PRDM15: variants seen among roughly 807,000 people sequenced by gnomAD.
The protein encoded by PRDM15 is PR/SET domain 15.
A neutral mutation model predicts 128.6 loss-of-function variants in PRDM15; 64 were observed. That is an observed-to-expected ratio of 0.50 (90% CI 0.41 to 0.61). The LOEUF (loss-of-function observed/expected upper bound fraction) is 0.61. PRDM15 is among the 20% of genes least tolerant of loss of function. The pLI is 0.00. For synonymous variants in PRDM15, 615 were observed against 621.8 expected (o/e 0.99, Z 0.16); for missense variants, 1,242 against 1,569.1 (o/e 0.79, Z 3.52).
intron 1 of PRDM15, among the ~76,000 whole-genome samples, chr21:41,865,004 G>A (rs1253771719): frequency 3.4e-5 from 5 of 148,754 alleles, no homozygotes; most frequent in African/African-American, 1.2e-4. Flanking sequence ...TGCAATGCCC[G>A]CTCACTCCTC....
intron 7 of PRDM15, 71 bp downstream of exon 7, chr21:41,839,552 C>A: frequency 3.0e-6 from 4 of 1,348,318 alleles, no homozygotes; most frequent in Admixed American, 1.7e-5. Context: ...CTGCCCCCTG[C>A]CCCGCCAGCC....
Position 41,826,048 on chromosome 21 carries a change from C to G in PRDM15, c.1541G>C (p.Arg514Pro). 1 of 1,613,988 alleles carries G rather than the reference C, an allele frequency of 6.2e-7. No individual in the cohort carries two copies. Among genetic ancestry groups the G allele is most frequent in the Non-Finnish European group, 8.5e-7 (1 of 1,179,882 alleles). The change falls in exon 13 of 24, where the codon CGG becomes CCG. Residue 514 changes from arginine to proline, a missense_variant. Around this residue, in one of 3 missense-constraint regions of PRDM15, gnomAD observed 612 missense variants for 717.0 expected, o/e 0.85. Coordinates refer to ENST00000398548, the MANE Select transcript of PRDM15 (RefSeq NM_001040424.3). The stretch of plus-strand genomic sequence containing the variant: ...CTCCAGGTCCTCTCGCTTCACTCGC[C>G]GCACTCCTGAAATTGCCAACCCCAC... ...DHQRRHLEGVRRVKREDLEAG... is the reference protein window; with the variant it reads ...DHQRRHLEGVPRVKREDLEAG...
chr21:41,820,232 G>T, intron 16 of PRDM15, 58 bp from the exon 17 acceptor site: 1 of 1,401,302 alleles, frequency 7.1e-7, no homozygotes. Context: ...ACGGCAGCGA[G>T]GGCACTTTCC....
chr21:41,828,601 C>T lies in PRDM15; in HGVS notation c.1367-268G>A, dbSNP rs987838860. 2.6e-5 allele frequency among the ~76,000 whole-genome samples: 4 copies of T among 151,990 alleles called. No individual in the cohort carries two copies. Among genetic ancestry groups the T allele is most frequent in the Non-Finnish European group, 4.4e-5 (3 of 67,970 alleles). On this transcript the variant is annotated intron_variant, in intron 11 of 23. Coordinates refer to ENST00000398548, the MANE Select transcript of PRDM15 (RefSeq NM_001040424.3). The surrounding 1 kb of genome is among the most constrained non-coding windows in gnomAD (Gnocchi z 5.7). ...AACGCCAGCCGCCTCCCTCCCGGGC[C>T]ACCCTGCCCCACAGCACCTGGGGAC...
intron 1 of PRDM15, chr21:41,871,845 G>A (rs34864816): frequency 0.16 from 75,611 of 484,572 alleles, 6,834 homozygotes; most frequent in Non-Finnish European, 0.2. Context: ...TGCTCTGACC[G>A]GCCCTGCCGA....
chr21:41,827,329 A>G (rs1381307526), intron 12 of PRDM15, among the ~76,000 whole-genome samples: 1 of 152,192 alleles, frequency 6.6e-6, no homozygotes, highest in Non-Finnish European at 1.5e-5. Context: ...GCGTATGCCT[A>G]TTTGGACGGA....
Position 41,838,727 on chromosome 21 carries a change from G to A in PRDM15, c.872-664C>T, listed in dbSNP as rs1009096512. The stretch of plus-strand genomic sequence containing the variant: ...GAAACTGGCCAGGGGGCTTTCAGGC[G>A]CTCCTAAATCAGCGCCCAACAGTGC... On this transcript the variant is annotated intron_variant, in intron 7 of 23. Coordinates refer to ENST00000398548, the MANE Select transcript of PRDM15 (RefSeq NM_001040424.3). Among the ~76,000 whole-genome samples, 19 of 152,206 alleles carry A rather than the reference G, an allele frequency of 1.2e-4. 1 individual carries two copies. The highest frequency in any genetic ancestry group is 7.8e-4 in the Admixed American group (12 of 15,292).
intron 16 of PRDM15, among the ~76,000 whole-genome samples, chr21:41,820,647 T>TAGGCTGTGCCGGCTGTGGTTC (rs2062225382): frequency 6.6e-6 from 1 of 152,214 alleles, no homozygotes; most frequent in Admixed American, 6.5e-5. Flanking sequence ...GTCTGTTGTT[T>TAGGCTGTGCCGGCTGTGGTTC]AGGCTGTGCC....
At position 41,802,701 on chromosome 21, in the gene PRDM15, A is replaced by G; in HGVS notation, c.2943+11T>C. The G allele has an allele frequency of 6.2e-7, 1 of 1,612,880 alleles. No homozygotes were observed. The highest frequency in any genetic ancestry group is 8.5e-7 in the Non-Finnish European group (1 of 1,178,846). Reference sequence around the variant, plus strand: ...CCGGCACCTAATCAGAACATAAAGCAGCAAACTGACCTGCTGAATGCTCTG... The same window carrying G: ...CCGGCACCTAATCAGAACATAAAGCGGCAAACTGACCTGCTGAATGCTCTG... On this transcript the variant is annotated intron_variant, in intron 23 of 23. Coordinates refer to ENST00000398548, the MANE Select transcript of PRDM15 (RefSeq NM_001040424.3).
chr21:41,819,879 T>C (rs2062190067), intron 17 of PRDM15, 178 bp from the exon 18 acceptor site: 1 of 838,272 alleles, frequency 1.2e-6, no homozygotes, highest in Admixed American at 2.4e-5. Flanking sequence ...GTGACTCCAG[T>C]AGATCCCTGA....
intron 1 of PRDM15, among the ~76,000 whole-genome samples, chr21:41,866,996 T>TA (rs1401716219): frequency 6.6e-6 from 1 of 152,174 alleles, no homozygotes; most frequent in African/African-American, 2.4e-5. Context: ...TTTCTGTTGT[T>TA]ACCAGATGGG....
Position 41,874,525 on chromosome 21 carries a change from A to ATATTTTTTTTT in PRDM15, c.-10+4744_-10+4745insAAAAAAAAATA. On this transcript the variant is annotated intron_variant, in intron 1 of 23. Transcript: ENST00000398548. ...TGCATATATATATATATATATATATATTTTTTTTTTTTTTTGAAACTTACA... is the reference window on the plus strand; with the variant it reads ...TGCATATATATATATATATATATATATATTTTTTTTTTTTTTTTTTTTTTTTGAAACTTACA... Among the ~76,000 whole-genome samples, 152 of 95,782 alleles carry ATATTTTTTTTT rather than the reference A, an allele frequency of 1.6e-3. 1 individual carries two copies. Among genetic ancestry groups the ATATTTTTTTTT allele is most frequent in the African/African-American group, 3.6e-3 (86 of 24,102 alleles). 62.8% of individuals were successfully genotyped at this position (95,782 alleles called of 152,430 possible).
chr21:41,841,865 C>T (rs190297740), intron 6 of PRDM15, among the ~76,000 whole-genome samples: 3 of 152,222 alleles, frequency 2.0e-5, no homozygotes, highest in Non-Finnish European at 2.9e-5. Context: ...TATTTCTCCT[C>T]GTAGATCTGC....
At chr21:41,808,255 T>G (rs1000922094) in intron 21 of PRDM15, among the ~76,000 whole-genome samples, 24 of 152,318 alleles carry the variant, frequency 1.6e-4, no homozygotes, top group African/African-American at 4.8e-4. Context: ...CTCCCCCGAC[T>G]CTGTTTTCTA....
At position 41,839,644 on chromosome 21, in the gene PRDM15, C is replaced by T. The variant is rs200127182; in HGVS notation, c.850G>A (p.Val284Met). 543 of 1,614,198 alleles carry T rather than the reference C, an allele frequency of 3.4e-4. 4 individuals carry two copies. The South Asian group carries it at 4.7e-3, about 14-fold the overall frequency. The change falls in exon 7 of 24, where the codon GTG (valine) becomes ATG (methionine). Residue 284 changes from valine to methionine, a missense_variant. Physicochemically the swap from Val to Met is conservative, Grantham distance 21 (BLOSUM62 1). This residue lies in a region of PRDM15 where 612 missense variants were observed against 717.0 expected (regional missense o/e 0.85). Coordinates refer to ENST00000398548, the MANE Select transcript of PRDM15 (RefSeq NM_001040424.3). Reference sequence around the variant, plus strand: ...TCACCTGTGGGTTCCTTGTCTTCCACGATGACTAGAGGCTGCTCAGCTTTG... The same window carrying T: ...TCACCTGTGGGTTCCTTGTCTTCCATGATGACTAGAGGCTGCTCAGCTTTG... ...VSKAEQPLVIVEDKEPTEQVA... is the reference protein window; with the variant it reads ...VSKAEQPLVIMEDKEPTEQVA...
At chr21:41,850,926 A>T (rs1164318104) in intron 5 of PRDM15, among the ~76,000 whole-genome samples, 1 of 152,210 alleles carries the variant, frequency 6.6e-6, no homozygotes, top group Admixed American at 6.5e-5. Flanking sequence ...GTTTGGAGCA[A>T]ATCAAAGAGA....
chr21:41,840,321 CTG>C (rs1212953449), intron 6 of PRDM15, among the ~76,000 whole-genome samples: 1 of 151,892 alleles, frequency 6.6e-6, no homozygotes, highest in Admixed American at 6.6e-5. Context: ...TGGTGTGTGC[CTG>C]TAGTCCCAGC....
In PRDM15 at chr21:41,823,404, C is replaced by T. The variant is rs749507634; in HGVS notation, c.1675G>A (p.Gly559Ser). ...ATCTCGCAGGTGTACTTCTTGTCGC[C>T]GTGGGTGAGCAGGTGCTTGTTCATA... is the stretch of plus-strand genomic sequence containing the variant. The part of the protein sequence containing the change: ...SNMNKHLLTH[G>S]DKKYTCEICG... The change falls in exon 14 of 24, where the codon GGC becomes AGC. Residue 559 changes from glycine to serine, a missense_variant. Gly to Ser is a moderately conservative substitution (Grantham distance 56). Transcript: ENST00000398548. 7.0e-6 allele frequency: 11 copies of T among 1,564,728 alleles called. No individual in the cohort carries two copies. Among genetic ancestry groups the T allele is most frequent in the South Asian group, 4.7e-5 (4 of 84,770 alleles).
chr21:41,809,648 T>C (rs1287135934), intron 21 of PRDM15, among the ~76,000 whole-genome samples: 4 of 152,232 alleles, frequency 2.6e-5, no homozygotes, highest in Admixed American at 6.5e-5. Context: ...TTCTGTGACC[T>C]GACAACTAAG....
Sources: gnomAD v4.1 joint callset for allele counts (sites outside exome capture counted in the v4.1 genomes callset) on GRCh38, gnomAD v4.1.1 for gene constraint, gnomAD v4.1.1 regional missense constraint, Gnocchi (gnomAD v3.1) non-coding constraint, MANE v1.5 for transcripts, NCBI Gene and HGNC (gene_info 2026-07-23, HGNC 2026-07-21) for gene names.